The following RAB24 variants were observed in gnomAD, a reference collection of about 807,000 sequenced individuals.
RAB24 encodes the protein RAB24, member RAS oncogene family.
Under a neutral mutation model 31.4 loss-of-function variants are expected in RAB24, and 9 were observed. That is an observed-to-expected ratio of 0.29 (90% CI 0.17 to 0.50). The LOEUF is 0.50. Among genes scored for constraint, RAB24 ranks in the 20% least tolerant of loss-of-function variants. The probability of loss-of-function intolerance (pLI) is 0.98; values close to 1 mark genes in which losing one functional copy is unlikely to be tolerated. For missense variants in RAB24, 197 were observed against 265.2 expected (o/e 0.74, Z 1.79); for synonymous variants, 106 against 94.1 (o/e 1.13, Z -0.73).
Position 177,303,429 on chromosome 5 carries a change from G to C in RAB24, c.-141C>G, listed in dbSNP as rs1374848021. The C allele has an allele frequency of 2.8e-5, 21 of 738,804 alleles. No homozygotes were observed. The highest frequency in any genetic ancestry group is 7.5e-5 in the Admixed American group (3 of 40,148). 45.8% of individuals were successfully genotyped at this position (738,804 alleles called of 1,614,324 possible). The stretch of plus-strand genomic sequence containing the variant: ...AACCTACGACTCCAGACAGCGCGTC[G>C]GGCTCGAGCTCTGGCCGTGGCCTTG... On this transcript the variant is annotated 5_prime_UTR_variant, in exon 1 of 8. Transcript: ENST00000303251. The surrounding 1 kb of genome is among the most constrained non-coding windows in gnomAD (Gnocchi z 6.1).
Position 177,303,224 on chromosome 5 carries a change from C to T in RAB24, c.65G>A (p.Ser22Asn). The change falls in exon 1 of 8, where the codon AGC becomes AAC. Residue 22 changes from serine (S) to asparagine (N), a missense_variant. Ser to Asn is a conservative substitution (Grantham distance 46, BLOSUM62 1). Transcript: ENST00000303251. This position sits in a 1 kb window ranked among gnomAD's most constrained non-coding sequence, Gnocchi z 6.1. ...GTCGTGCACGTAGCGCTCCACCAGG[C>T]TAGTCTTGCCCACGTACTCCTTGCC... ...MLGKEYVGKT[S>N]LVERYVHDRF... 1 of 1,613,794 alleles carries T rather than the reference C, an allele frequency of 6.2e-7. No homozygotes were observed. Among genetic ancestry groups the T allele is most frequent in the South Asian group, 1.1e-5 (1 of 91,086 alleles).
chr5:177,303,144 C>G lies in RAB24; in HGVS notation c.117+28G>C. ...ACCGGCCCCCCACTCCCCCGCCCAC[C>G]GTGCCTGGCCCCTCCGGATGCACTC... On this transcript the variant is annotated intron_variant, in intron 1 of 7. Transcript: ENST00000303251. This position sits in a 1 kb window ranked among gnomAD's most constrained non-coding sequence, Gnocchi z 6.1. 7 of 1,613,408 alleles carry G rather than the reference C, an allele frequency of 4.3e-6. No individual in the cohort carries two copies. Among genetic ancestry groups the G allele is most frequent in the Non-Finnish European group, 5.1e-6 (6 of 1,179,768 alleles).
chr5:177,302,266 C>T (rs1210286980), intron 5 of RAB24, 88 bp from the exon 6 acceptor site: 1 of 1,564,140 alleles, frequency 6.4e-7, no homozygotes, highest in East Asian at 2.2e-5. Flanking sequence ...GTCTCCTGGA[C>T]CCCACAGTTC....
At position 177,303,317 on chromosome 5, in the gene RAB24, G is replaced by A. The variant is rs774044939; in HGVS notation, c.-29C>T. 77 of 1,607,416 alleles carry A rather than the reference G, an allele frequency of 4.8e-5. No homozygotes were observed. In the South Asian group the frequency reaches 6.4e-4, roughly 13 times the overall value. On this transcript the variant is annotated 5_prime_UTR_variant, in exon 1 of 8. Transcript: ENST00000303251. The surrounding 1 kb of genome is among the most constrained non-coding windows in gnomAD (Gnocchi z 6.1). ...CCCGGGGCCGCTTCAGCCACGTCAG[G>A]GTCCTGAGCGGGGACGGGAGGCAAA... is the stretch of plus-strand genomic sequence containing the variant.
chr5:177,303,172 G>A lies in RAB24; in HGVS notation c.117C>T (p.Asn39=), dbSNP rs939617148. 2 of 1,613,268 alleles carry A rather than the reference G, an allele frequency of 1.2e-6. No homozygotes were observed. Among genetic ancestry groups the A allele is most frequent in the African/African-American group, 2.7e-5 (2 of 74,882 alleles). The part of the protein sequence containing the change: ...HDRFLVGPYQ[N]TIGAAFVAKV... ...GCCTGGCCCCTCCGGATGCACTCAC[G>A]TTCTGATAAGGCCCCACCAGAAAGC... The change falls in exon 1 of 8, where the codon AAC becomes AAT. Residue 39 remains asparagine, a splice_region_variant and synonymous_variant. Coordinates refer to ENST00000303251, the MANE Select transcript of RAB24 (RefSeq NM_001031677.4). The surrounding 1 kb of genome is among the most constrained non-coding windows in gnomAD (Gnocchi z 6.1).
rs1760772522 is a variant in RAB24 at position 177,303,715 on chromosome 5, T to C, written c.-427A>G. The stretch of plus-strand genomic sequence containing the variant: ...CGCCGCGACTCCCGCGGGAGGGGGC[T>C]AGAGGGCGAGGGGGCGGGGCCGCAA... On this transcript the variant is annotated 5_prime_UTR_variant, in exon 1 of 8. Transcript: ENST00000303251. The surrounding 1 kb of genome is among the most constrained non-coding windows in gnomAD (Gnocchi z 6.1). 2 of 368,556 alleles carry C rather than the reference T, an allele frequency of 5.4e-6. No homozygotes were observed. The highest frequency in any genetic ancestry group is 9.7e-6 in the Non-Finnish European group (2 of 207,222). The allele number at this position is 368,556 out of a possible 1,614,324, so 22.8% of individuals were successfully genotyped here.
At chr5:177,302,065 C>T in intron 6 of RAB24, 63 bp downstream of exon 6, 1 of 1,610,402 alleles carries the variant, frequency 6.2e-7, no homozygotes, top group Admixed American at 1.7e-5. Context: ...CCCTCTGTGC[C>T]CTATTCAGCT....
chr5:177,302,312 C>G, intron 5 of RAB24, 85 bp downstream of exon 5: 1 of 1,569,204 alleles, frequency 6.4e-7, no homozygotes. Context: ...GCACCTTGCC[C>G]TGGCAGCCAA....
Position 177,301,986 on chromosome 5 carries a change from G to A in RAB24, c.486C>T (p.Asp162=), listed in dbSNP as rs768925902. Residue 162 remains aspartate, a splice_region_variant and synonymous_variant, in exon 7 of 8, where the codon GAC becomes GAT. Transcript: ENST00000303251. ...ETSSKTGQSV[D]ELFQKVAEDY... is the part of the protein sequence containing the mutation. ...CCTCTGCCACTTTCTGGAAGAGCTC[G>A]TCTGGCAGGAAAAATGATGATCAGC... The A allele has an allele frequency of 1.3e-5, 21 of 1,614,164 alleles. No homozygotes were observed. In the East Asian group the frequency reaches 2.7e-4, roughly 21 times the overall value.
Position 177,301,962 on chromosome 5 carries a change from C to T in RAB24, c.510G>A (p.Glu170=). The change falls in exon 7 of 8, where the codon GAG becomes GAA. Residue 170 remains glutamate, a synonymous_variant. Coordinates refer to ENST00000303251, the MANE Select transcript of RAB24 (RefSeq NM_001031677.4). The part of the protein sequence containing the change: ...SVDELFQKVA[E]DYVSVAAFQV... ...GGAAGGCAGCCACACTGACGTAATC[C>T]TCTGCCACTTTCTGGAAGAGCTCGT... 1.2e-6 allele frequency: 2 copies of T among 1,614,242 alleles called. No individual in the cohort carries two copies. The highest frequency in any genetic ancestry group is 1.6e-4 in the Middle Eastern group (1 of 6,062).
Position 177,302,613 on chromosome 5 carries a change from T to C in RAB24, c.297A>G (p.Ala99=), listed in dbSNP as rs1271263555. The C allele has an allele frequency of 1.2e-6, 2 of 1,614,172 alleles. No homozygotes were observed. Among genetic ancestry groups the C allele is most frequent in the Non-Finnish European group, 1.7e-6 (2 of 1,180,038 alleles). ...TGCGCAGTTCCTTCACCCAGAACTTTGCTCGCTCAAAGCTGCTGCTGTCTG... is the reference window on the plus strand; with the variant it reads ...TGCGCAGTTCCTTCACCCAGAACTTCGCTCGCTCAAAGCTGCTGCTGTCTG... ...DLTDSSSFER[A]KFWVKELRSL... Residue 99 remains alanine, a synonymous_variant, in exon 4 of 8, where the codon GCA becomes GCG. Coordinates refer to ENST00000303251, the MANE Select transcript of RAB24 (RefSeq NM_001031677.4).
rs376060774 is a variant in RAB24, at chr5:177,302,816, A to G, written c.201T>C (p.Ser67=). Residue 67 remains serine, a synonymous_variant, in exon 3 of 8, where the codon TCT becomes TCC. Transcript: ENST00000303251. ...VTLGIWDTAG[S]ERYEAMSRIY... The stretch of plus-strand genomic sequence containing the variant: ...TTCTACTCATGGCCTCATAGCGCTC[A>G]GAGCCTGCTGTGTCCTAAAGAGTAA... 1 of 1,561,812 alleles carries G rather than the reference A, an allele frequency of 6.4e-7. No individual in the cohort carries two copies. Among genetic ancestry groups the G allele is most frequent in the Non-Finnish European group, 8.7e-7 (1 of 1,148,792 alleles).
chr5:177,302,105 T>TGAGGGG, intron 6 of RAB24, 23 bp downstream of exon 6: 1 of 1,613,904 alleles, frequency 6.2e-7, no homozygotes, highest in South Asian at 1.1e-5. Flanking sequence ...GTTCCTGCTG[T>TGAGGGG]GAGGCTCCAG....
In RAB24 at chr5:177,303,295, G is replaced by C; in HGVS notation, c.-7C>G. ...CCACGCGCTGCCCGCTCATGCTCCC[G>C]GGGCCGCTTCAGCCACGTCAGGGTC... On this transcript the variant is annotated 5_prime_UTR_variant, in exon 1 of 8. Transcript: ENST00000303251. The surrounding 1 kb of genome is among the most constrained non-coding windows in gnomAD (Gnocchi z 6.1). 8.7e-6 allele frequency: 14 copies of C among 1,613,148 alleles called. No homozygotes were observed. The highest frequency in any genetic ancestry group is 1.2e-5 in the Non-Finnish European group (14 of 1,179,726).
intron 7 of RAB24, 35 bp from the exon 8 acceptor site, chr5:177,301,842 C>G: frequency 6.2e-7 from 1 of 1,613,984 alleles, no homozygotes; most frequent in Non-Finnish European, 8.5e-7. Flanking sequence ...CAGCACCATT[C>G]TGTTGGGATC....
rs748006308 is a variant in RAB24 at position 177,303,033 on chromosome 5, G to A, written c.162C>T (p.Asp54=). The A allele has an allele frequency of 5.6e-6, 9 of 1,614,008 alleles. No homozygotes were observed. The highest frequency in any genetic ancestry group is 2.2e-5 in the East Asian group (1 of 44,892). The change falls in exon 2 of 8, where the codon GAC becomes GAT. Residue 54 remains aspartate, a synonymous_variant. Coordinates refer to ENST00000303251, the MANE Select transcript of RAB24 (RefSeq NM_001031677.4). This position sits in a 1 kb window ranked among gnomAD's most constrained non-coding sequence, Gnocchi z 6.1. ...CCCAAATACCTAATGTCACAGTCCG[G>A]TCTCCGACCGACATCACCTTGGCCA... ...AFVAKVMSVG[D]RTVTLGIWDT...
rs1355562968 is a variant in RAB24 at position 177,303,100 on chromosome 5, G to T, written c.118-23C>A. The stretch of plus-strand genomic sequence containing the variant: ...GGTCTGCAACGAGAGGGAAGAGATC[G>T]GGGCCATAGGTGCAGATTACCGGCC... On this transcript the variant is annotated intron_variant, in intron 1 of 7. Transcript: ENST00000303251. This position sits in a 1 kb window ranked among gnomAD's most constrained non-coding sequence, Gnocchi z 6.1. The T allele has an allele frequency of 6.2e-7, 1 of 1,613,932 alleles. No individual in the cohort carries two copies. Among genetic ancestry groups the T allele is most frequent in the African/African-American group, 1.3e-5 (1 of 75,032 alleles).
chr5:177,301,568 G>C lies in RAB24; in HGVS notation c.*175C>G. 1 of 689,108 alleles carries C rather than the reference G, an allele frequency of 1.5e-6. No homozygotes were observed. The allele number at this position is 689,108 out of a possible 1,614,324, so 42.7% of individuals were successfully genotyped here. A position where few individuals can be genotyped will look rare whatever the true frequency, so the allele number is the denominator to read the frequency against. On this transcript the variant is annotated 3_prime_UTR_variant, in exon 8 of 8. Transcript: ENST00000303251. Reference sequence around the variant, plus strand: ...CCAAATCAGCCTTATCCCTCCTCATGCCCACAGTCAGCCCAATGCTGTCTC... The same window carrying C: ...CCAAATCAGCCTTATCCCTCCTCATCCCCACAGTCAGCCCAATGCTGTCTC...
chr5:177,302,657 C>T lies in RAB24; in HGVS notation c.266-13G>A. The T allele has an allele frequency of 6.2e-7, 1 of 1,614,082 alleles. No homozygotes were observed. On this transcript the variant is annotated splice_polypyrimidine_tract_variant and intron_variant, in intron 3 of 7. Transcript: ENST00000303251. ...CTGTCTGTGAGGTCTTGGTGTGCGG[C>T]ATGCAGGAGACAACCAAGTGGTCAA...
Sources: allele counts gnomAD v4.1 joint callset, GRCh38; gene constraint gnomAD v4.1.1; non-coding constraint Gnocchi (gnomAD v3.1); transcripts MANE v1.5; gene names NCBI Gene and HGNC (gene_info 2026-07-23, HGNC 2026-07-21).